ZNF141: variants seen among roughly 807,000 people sequenced by gnomAD.
The protein encoded by ZNF141 is zinc finger protein 141.
A neutral mutation model predicts 11.3 loss-of-function variants in ZNF141; 7 were observed. The ratio of observed to expected loss-of-function variants is 0.62; its 90% confidence interval spans 0.35 to 1.16. The LOEUF (loss-of-function observed/expected upper bound fraction) is 1.16, where lower values mean the gene tolerates loss of function less well. Ranked by LOEUF, ZNF141 falls within the 50% of genes most tolerant of loss-of-function variation. The probability of loss-of-function intolerance (pLI) is 0.02; values close to 1 mark genes in which losing one functional copy is unlikely to be tolerated. For synonymous variants in ZNF141, 183 were observed against 190.7 expected, an observed-to-expected ratio of 0.96 and a Z score of 0.33; for missense variants, 535 against 554.0, an observed-to-expected ratio of 0.97 and a Z score of 0.34.
In ZNF141 at chr4:373,769, T is replaced by G; in HGVS notation, c.1332T>G (p.Ile444Met). The G allele has an allele frequency of 1.2e-6, 2 of 1,614,178 alleles. No homozygotes were observed. Among genetic ancestry groups the G allele is most frequent in the Non-Finnish European group, 1.7e-6 (2 of 1,179,998 alleles). ...CGCTCCTGAGTCAACATAAGAAAAT[T>G]CATACTGTAGATAAACCCTACAAAT... ...QFSLLSQHKKIHTVDKPYKCK... is the reference protein window; with the variant it reads ...QFSLLSQHKKMHTVDKPYKCK... Residue 444 changes from isoleucine (I) to methionine (M), a missense_variant, in exon 4 of 4, where the codon ATT becomes ATG. Ile to Met is a conservative substitution (Grantham distance 10). Transcript: ENST00000240499.
intron 1 of ZNF141, chr4:342,764 G>T: frequency 5.4e-6 from 8 of 1,481,422 alleles, no homozygotes; most frequent in Non-Finnish European, 7.5e-6. Flanking sequence ...TTTTATTTTT[G>T]ATTGTTGTTG....
At chr4:346,487 T>C (rs1250678200) in intron 3 of ZNF141, among the ~76,000 whole-genome samples, 1 of 152,238 alleles carries the variant, frequency 6.6e-6, no homozygotes, top group Non-Finnish European at 1.5e-5. Flanking sequence ...GGCCTACTGT[T>C]GTAGCAAATT....
Position 384,567 on chromosome 4 carries a change from A to G in ZNF141, c.*10705A>G, listed in dbSNP as rs1385520387. The G allele has an allele frequency of 4.6e-5, 7 of 152,206 alleles. No individual in the cohort carries two copies. Among genetic ancestry groups the G allele is most frequent in the East Asian group, 1.9e-4 (1 of 5,198 alleles). 9.4% of individuals were successfully genotyped at this position (152,206 alleles called of 1,614,324 possible). A position where few individuals can be genotyped will look rare whatever the true frequency, so the allele number is the denominator to read the frequency against. On this transcript the variant is annotated 3_prime_UTR_variant, in exon 4 of 4. Transcript: ENST00000240499. ...ACTTGACCCAGCTCCTTATAATGTT[A>G]CTAACATGACATAAATATTTTGGTT...
At chr4:347,379 G>T (rs1469469052) in intron 3 of ZNF141, among the ~76,000 whole-genome samples, 1 of 134,882 alleles carries the variant, frequency 7.4e-6, no homozygotes, top group Non-Finnish European at 1.5e-5. Flanking sequence ...TCTCTCTGTC[G>T]CCCAGGCTGG....
chr4:374,541 A>G lies in ZNF141; in HGVS notation c.*679A>G, dbSNP rs183160480. 47 of 179,744 alleles carry G rather than the reference A, an allele frequency of 2.6e-4. No homozygotes were observed. Among genetic ancestry groups the G allele is most frequent in the Middle Eastern group, 8.8e-4 (1 of 1,142 alleles). The allele number at this position is 179,744 out of a possible 1,614,324, so 11.1% of individuals were successfully genotyped here. ...AATTCATTCTGGGGAAAAAAATGCT[A>G]CAAATGTGAAAAACGTGGCAGAGCC... On this transcript the variant is annotated 3_prime_UTR_variant, in exon 4 of 4. Coordinates refer to ENST00000240499, the MANE Select transcript of ZNF141 (RefSeq NM_003441.4).
rs1458720224 is a variant in ZNF141 at position 369,756 on chromosome 4, ATATATATATTTT to A, written c.227-2906_227-2895del. ...TAAAGAGATATATATATATATATAT[ATATATATATTTT>A]TTTTTTTTTTTTTTTTGAGAGGGAG... On this transcript the variant is annotated intron_variant, in intron 3 of 3. Transcript: ENST00000240499. 7.1e-4 allele frequency among the ~76,000 whole-genome samples: 25 copies of A among 35,344 alleles called. No individual in the cohort carries two copies. In the Admixed American group the frequency reaches 8.2e-3, roughly 12 times the overall value. The allele number at this position is 35,344 out of a possible 152,430, so 23.2% of individuals were successfully genotyped here.
At position 383,361 on chromosome 4, in the gene ZNF141, C is replaced by A. The variant is rs1396182755; in HGVS notation, c.*9499C>A. 1.6e-5 allele frequency: 8 copies of A among 504,654 alleles called. No individual in the cohort carries two copies. Among genetic ancestry groups the A allele is most frequent in the Non-Finnish European group, 3.5e-6 (1 of 286,756 alleles). 31.3% of individuals were successfully genotyped at this position (504,654 alleles called of 1,614,324 possible). A position where few individuals can be genotyped will look rare whatever the true frequency, so the allele number is the denominator to read the frequency against. ...CAGTTATAAGTTAGTAATATATACA[C>A]CCATTAAAGACAGGATCTCAGGACA... On this transcript the variant is annotated 3_prime_UTR_variant, in exon 4 of 4. Coordinates refer to ENST00000240499, the MANE Select transcript of ZNF141 (RefSeq NM_003441.4).
intron 3 of ZNF141, among the ~76,000 whole-genome samples, chr4:360,403 A>G (rs1008805387): frequency 2.0e-5 from 3 of 152,202 alleles, no homozygotes; most frequent in East Asian, 1.9e-4. Flanking sequence ...ATTGAAATGC[A>G]TTTGCTTTTA....
Position 381,946 on chromosome 4 carries a change from C to CTTTTTTTTTTTTTTTTTTT in ZNF141, c.*8085_*8103dup, listed in dbSNP as rs34905613. ...CTAGGGCCACCACCATCTCTGGGAA[C>CTTTTTTTTTTTTTTTTTTT]TTTTTTTTTTTTTTTTTTTGAGACG... is the stretch of plus-strand genomic sequence containing the variant. On this transcript the variant is annotated 3_prime_UTR_variant, in exon 4 of 4. Transcript: ENST00000240499. Among the ~76,000 whole-genome samples the CTTTTTTTTTTTTTTTTTTT allele has an allele frequency of 3.4e-3, 358 of 105,904 alleles. 22 individuals are homozygous for CTTTTTTTTTTTTTTTTTTT. Among genetic ancestry groups the CTTTTTTTTTTTTTTTTTTT allele is most frequent in the Middle Eastern group, 0.011 (2 of 180 alleles). 69.5% of individuals were successfully genotyped at this position (105,904 alleles called of 152,430 possible). A position where few individuals can be genotyped will look rare whatever the true frequency, so the allele number is the denominator to read the frequency against.
In ZNF141 at chr4:369,816, A is replaced by G. The variant is rs533551787; in HGVS notation, c.227-2848A>G. ...GAGTCTCACTGTGTCGCCCAGGCTG[A>G]AGTGCAATGGCATGATCTCAGCTCA... is the stretch of plus-strand genomic sequence containing the variant. On this transcript the variant is annotated intron_variant, in intron 3 of 3. Coordinates refer to ENST00000240499, the MANE Select transcript of ZNF141 (RefSeq NM_003441.4). Among the ~76,000 whole-genome samples the G allele has an allele frequency of 2.1e-3, 267 of 127,574 alleles. 4 individuals carry two copies. Among genetic ancestry groups the G allele is most frequent in the African/African-American group, 7.9e-3 (253 of 32,120 alleles). The allele number at this position is 127,574 out of a possible 152,430, so 83.7% of individuals were successfully genotyped here.
At chr4:357,395 A>G (rs1406402963) in intron 3 of ZNF141, among the ~76,000 whole-genome samples, 4 of 149,778 alleles carry the variant, frequency 2.7e-5, no homozygotes, top group African/African-American at 7.4e-5. Context: ...CTCCAGCCTG[A>G]GTGATAGAGT....
intron 3 of ZNF141, among the ~76,000 whole-genome samples, chr4:369,758 A>ATTTTTTT (rs1560196787): frequency 1.4e-4 from 5 of 34,782 alleles, no homozygotes; most frequent in African/African-American, 9.4e-4. Flanking sequence ...ATATATATAT[A>ATTTTTTT]TATATATTTT....
At chr4:343,295 G>A (rs114752580) in intron 1 of ZNF141, among the ~76,000 whole-genome samples, 1 of 152,216 alleles carries the variant, frequency 6.6e-6, no homozygotes, top group African/African-American at 2.4e-5. Context: ...CTCTTGGAAT[G>A]CCATCCTTTT....
Position 344,419 on chromosome 4 carries a change from C to G in ZNF141, c.215C>G (p.Ala72Gly). 6.2e-7 allele frequency: 1 copy of G among 1,605,438 alleles called. No homozygotes were observed. Among genetic ancestry groups the G allele is most frequent in the Non-Finnish European group, 8.5e-7 (1 of 1,174,052 alleles). The change falls in exon 3 of 4, where the codon GCC becomes GGC. Residue 72 changes from alanine (A) to glycine (G), a missense_variant. Physicochemically the swap from Ala to Gly is moderately conservative, Grantham distance 60. Transcript: ENST00000240499. ...PYNVKIHKIVARPPAMCSHFT... is the reference protein window; with the variant it reads ...PYNVKIHKIVGRPPAMCSHFT... ...AATGTGAAGATACATAAGATCGTAGCCAGACCCCCAGGTAGGTGAGAGTGA... is the reference window on the plus strand; with the variant it reads ...AATGTGAAGATACATAAGATCGTAGGCAGACCCCCAGGTAGGTGAGAGTGA...
chr4:383,158 G>T lies in ZNF141; in HGVS notation c.*9296G>T. The T allele has an allele frequency of 1.4e-6, 1 of 701,858 alleles. No individual in the cohort carries two copies. The highest frequency in any genetic ancestry group is 2.6e-6 in the Non-Finnish European group (1 of 384,622). The allele number at this position is 701,858 out of a possible 1,614,324, so 43.5% of individuals were successfully genotyped here. A position where few individuals can be genotyped will look rare whatever the true frequency, so the allele number is the denominator to read the frequency against. Reference sequence around the variant, plus strand: ...TTCTGGAGAATAGCATCTGAGAAAAGCCAAAGTGCCTCAGTTTACAGACAG... The same window carrying T: ...TTCTGGAGAATAGCATCTGAGAAAATCCAAAGTGCCTCAGTTTACAGACAG... On this transcript the variant is annotated 3_prime_UTR_variant, in exon 4 of 4. Transcript: ENST00000240499.
At chr4:355,731 A>G (rs1353269343) in intron 3 of ZNF141, among the ~76,000 whole-genome samples, 7 of 152,212 alleles carry the variant, frequency 4.6e-5, no homozygotes, top group African/African-American at 1.4e-4. Flanking sequence ...TAATAACAAT[A>G]TTCTAGGGTT....
At chr4:361,694 A>G (rs1452065553) in intron 3 of ZNF141, among the ~76,000 whole-genome samples, 2 of 152,194 alleles carry the variant, frequency 1.3e-5, no homozygotes, top group African/African-American at 4.8e-5. Flanking sequence ...ATGTCCCTAC[A>G]AAGGACAAGA....
In ZNF141 at chr4:381,945, A is replaced by ATTTTTTTTTTTTTTTTTTTTTTT. The variant is rs1553855749; in HGVS notation, c.*8083_*8084insTTTTTTTTTTTTTTTTTTTTTTT. 9.1e-6 allele frequency among the ~76,000 whole-genome samples: 1 copy of ATTTTTTTTTTTTTTTTTTTTTTT among 110,054 alleles called. No homozygotes were observed. The highest frequency in any genetic ancestry group is 5.0e-5 in the African/African-American group (1 of 20,118). 72.2% of individuals were successfully genotyped at this position (110,054 alleles called of 152,430 possible). A position where few individuals can be genotyped will look rare whatever the true frequency, so the allele number is the denominator to read the frequency against. ...GCTAGGGCCACCACCATCTCTGGGA[A>ATTTTTTTTTTTTTTTTTTTTTTT]CTTTTTTTTTTTTTTTTTTTGAGAC... On this transcript the variant is annotated 3_prime_UTR_variant, in exon 4 of 4. Transcript: ENST00000240499.
rs149284653 is a variant in ZNF141, at chr4:363,902, G to A, written c.227-8762G>A. 7.8e-3 allele frequency among the ~76,000 whole-genome samples: 1,192 copies of A among 152,250 alleles called. 17 individuals are homozygous for A. Among genetic ancestry groups the A allele is most frequent in the African/African-American group, 0.027 (1,135 of 41,540 alleles). ...TTTATTGAGAGTTTTTAGCTTGAAG[G>A]GCTGTTGAATTTTGCCGAAGGCCTT... On this transcript the variant is annotated intron_variant, in intron 3 of 3. Transcript: ENST00000240499.
Sources: allele counts gnomAD v4.1 joint callset (sites outside exome capture counted in the v4.1 genomes callset), GRCh38; gene constraint gnomAD v4.1.1; transcripts MANE v1.5; gene names NCBI Gene and HGNC (gene_info 2026-07-23, HGNC 2026-07-21).